PCOLCE2: variants seen among roughly 807,000 people sequenced by gnomAD.
The protein encoded by PCOLCE2 is procollagen C-proteinase enhancer 2.
PCOLCE2 carries 42 observed loss-of-function variants against 47.0 expected under a neutral mutation model. The ratio of observed to expected loss-of-function variants is 0.89; its 90% CI spans 0.70 to 1.16. PCOLCE2 has a LOEUF of 1.16. Among genes scored for constraint, PCOLCE2 ranks in the 50% most tolerant of loss-of-function variants. PCOLCE2 has a pLI of 0.00. For synonymous variants in PCOLCE2, 169 were observed against 191.7 expected (o/e 0.88, Z 0.98); for missense variants, 500 against 526.1 (o/e 0.95, Z 0.49).
chr3:142,862,514 G>C (rs1933198692), intron 2 of PCOLCE2, among the ~76,000 whole-genome samples: 1 of 152,018 alleles, frequency 6.6e-6, no homozygotes, highest in African/African-American at 2.4e-5. Flanking sequence ...TGTAATTTTG[G>C]TGGGAAGAGA....
At chr3:142,871,889 C>T (rs1487355564) in intron 2 of PCOLCE2, among the ~76,000 whole-genome samples, 2 of 152,020 alleles carry the variant, frequency 1.3e-5, no homozygotes, top group Admixed American at 1.3e-4. Flanking sequence ...TATATATCTA[C>T]ATCTCCTATT....
rs775158215 is a variant in PCOLCE2 at position 142,888,929 on chromosome 3, G to GGC, written c.-35_-34dup. 2.4e-6 allele frequency: 3 copies of GGC among 1,253,368 alleles called. No individual in the cohort carries two copies. Among genetic ancestry groups the GGC allele is most frequent in the Non-Finnish European group, 1.0e-6 (1 of 953,974 alleles). The allele number at this position is 1,253,368 out of a possible 1,614,324, so 77.6% of individuals were successfully genotyped here. A position where few individuals can be genotyped will look rare whatever the true frequency, so the allele number is the denominator to read the frequency against. On this transcript the variant is annotated 5_prime_UTR_variant, in exon 1 of 9. Coordinates refer to ENST00000295992, the MANE Select transcript of PCOLCE2 (RefSeq NM_013363.4). ...TAGACGCTCGGGGTTTGCACCCCAC[G>GGC]GCGCGCGCGCCGGCACACACGCCCC... is the stretch of plus-strand genomic sequence containing the variant.
At chr3:142,868,150 T>G (rs1224298103) in intron 2 of PCOLCE2, among the ~76,000 whole-genome samples, 2 of 152,210 alleles carry the variant, frequency 1.3e-5, no homozygotes, top group African/African-American at 4.8e-5. Flanking sequence ...GGTCACGACG[T>G]GCAGGGCTCT....
intron 2 of PCOLCE2, among the ~76,000 whole-genome samples, chr3:142,881,455 T>C (rs1478210371): frequency 6.6e-6 from 1 of 152,218 alleles, no homozygotes; most frequent in East Asian, 1.9e-4. Flanking sequence ...TATACAGTCA[T>C]GCATTGTTTA....
At position 142,888,893 on chromosome 3, in the gene PCOLCE2, T is replaced by G. The variant is rs202134327; in HGVS notation, c.4A>C (p.Arg2=). M[R]GANAWAPLCL... ...AGTGGCGCCCAGGCGTTCGCGCCCCTCATGGCAGCGTAGACGCTCGGGGTT... is the reference window on the plus strand; with the variant it reads ...AGTGGCGCCCAGGCGTTCGCGCCCCGCATGGCAGCGTAGACGCTCGGGGTT... The change falls in exon 1 of 9, where the codon AGG becomes CGG. Residue 2 remains arginine, a synonymous_variant. Transcript: ENST00000295992. The G allele has an allele frequency of 8.1e-4, 1,219 of 1,498,254 alleles. 14 individuals are homozygous for G. In the African/African-American group the frequency reaches 0.015, roughly 18 times the overall value. 92.8% of individuals were successfully genotyped at this position (1,498,254 alleles called of 1,614,324 possible). A position where few individuals can be genotyped will look rare whatever the true frequency, so the allele number is the denominator to read the frequency against.
At chr3:142,821,466 T>C (rs1211460798) in intron 7 of PCOLCE2, among the ~76,000 whole-genome samples, 1 of 152,144 alleles carries the variant, frequency 6.6e-6, no homozygotes. Context: ...GCCACTAAGA[T>C]GTGAGTCTTT....
Position 142,820,899 on chromosome 3 carries a change from G to A in PCOLCE2, c.1096C>T (p.Gln366Ter), listed in dbSNP as rs1937005182. The change falls in exon 8 of 9, where the codon CAG (glutamine) becomes TAG (stop). Residue 366 changes from glutamine to a stop codon, truncating the protein, a stop_gained. Transcript: ENST00000295992. LOFTEE classifies it high-confidence loss of function. ...MSARLTVVCKQCPLLRRGLNY... is the reference protein window; with the variant it reads ...MSARLTVVCK ...TCACCTCTTCTGAGGAGAGGGCACT[G>A]CTTGCAGACGACAGTCAGCCTGGCA... 1 of 1,613,760 alleles carries A rather than the reference G, an allele frequency of 6.2e-7. No individual in the cohort carries two copies. Among genetic ancestry groups the A allele is most frequent in the Non-Finnish European group, 8.5e-7 (1 of 1,179,696 alleles).
chr3:142,838,495 A>G (rs1379457485), intron 5 of PCOLCE2, among the ~76,000 whole-genome samples: 1 of 152,132 alleles, frequency 6.6e-6, no homozygotes, highest in Non-Finnish European at 1.5e-5. Flanking sequence ...CCTTTCCACC[A>G]TGATTGTACA....
chr3:142,830,545 G>GA (rs1017295907), intron 5 of PCOLCE2, among the ~76,000 whole-genome samples: 1 of 151,614 alleles, frequency 6.6e-6, no homozygotes, highest in Non-Finnish European at 1.5e-5. Context: ...TGCTGTAAAG[G>GA]AAAAAAAAGA....
chr3:142,836,673 A>G (rs1202041387), intron 5 of PCOLCE2, among the ~76,000 whole-genome samples: 1 of 152,220 alleles, frequency 6.6e-6, no homozygotes, highest in Non-Finnish European at 1.5e-5. Context: ...TATGAAGAGG[A>G]GAGACATGGA....
intron 7 of PCOLCE2, among the ~76,000 whole-genome samples, chr3:142,821,906 G>GTT (rs201944179): frequency 6.6e-6 from 1 of 150,754 alleles, no homozygotes; most frequent in Non-Finnish European, 1.5e-5. Context: ...ACTGAATACA[G>GTT]TTTTTTTTTG....
chr3:142,839,019 A>T, intron 4 of PCOLCE2, 113 bp from the exon 5 acceptor site: 1 of 769,652 alleles, frequency 1.3e-6, no homozygotes, highest in South Asian at 2.2e-5. Flanking sequence ...CCTTTGTAAA[A>T]AAAGTATGCA....
intron 2 of PCOLCE2, among the ~76,000 whole-genome samples, chr3:142,880,898 C>G (rs1216423679): frequency 6.6e-6 from 1 of 152,308 alleles, no homozygotes; most frequent in East Asian, 1.9e-4. Flanking sequence ...GGGTCATACT[C>G]TTTGCACGAA....
intron 5 of PCOLCE2, among the ~76,000 whole-genome samples, chr3:142,837,767 A>G (rs1470647251): frequency 2.0e-5 from 3 of 152,248 alleles, no homozygotes; most frequent in Non-Finnish European, 4.4e-5. Flanking sequence ...TAATTACACC[A>G]GAAATACAGT....
intron 2 of PCOLCE2, among the ~76,000 whole-genome samples, chr3:142,854,096 T>C (rs1486623427): frequency 6.6e-6 from 1 of 152,366 alleles, no homozygotes; most frequent in East Asian, 1.9e-4. Context: ...CAGCTTCTTC[T>C]GTGTGGAGGA....
At chr3:142,827,618 G>A (rs1012859040) in intron 6 of PCOLCE2, 32 of 1,471,464 alleles carry the variant, frequency 2.2e-5, no homozygotes, top group East Asian at 9.1e-5. Context: ...AAACTGGCCC[G>A]TGTGAATGCC....
At chr3:142,863,093 A>G (rs912178889) in intron 2 of PCOLCE2, among the ~76,000 whole-genome samples, 5 of 72,376 alleles carry the variant, frequency 6.9e-5, no homozygotes, top group Non-Finnish European at 1.0e-4. Context: ...TCAGTCTGGC[A>G]GGCAAAAAAA....
chr3:142,839,315 A>AT (rs56746491), intron 4 of PCOLCE2, among the ~76,000 whole-genome samples: 2,178 of 146,198 alleles, frequency 0.015, 25 homozygotes, highest in Non-Finnish European at 0.023. Context: ...CTGAGAGTAA[A>AT]TTTTTTTTTT....
chr3:142,818,755 T>C (rs1936979536), intron 8 of PCOLCE2, among the ~76,000 whole-genome samples: 1 of 152,204 alleles, frequency 6.6e-6, no homozygotes, highest in Non-Finnish European at 1.5e-5. Flanking sequence ...TGATAAAATC[T>C]GTTTTAAGAC....
Sources: gnomAD v4.1 joint callset for allele counts (sites outside exome capture counted in the v4.1 genomes callset) on GRCh38, gnomAD v4.1.1 for gene constraint, MANE v1.5 for transcripts, NCBI Gene and HGNC (gene_info 2026-07-23, HGNC 2026-07-21) for gene names.